The following GALNT15 variants were observed in gnomAD, a reference collection of about 807,000 sequenced individuals.
GALNT15 encodes UDP-GalNAc transferase T15.
GALNT15 carries 67 observed loss-of-function variants against 66.8 expected under a neutral mutation model. The ratio of observed to expected loss-of-function variants is 1.00; its 90% CI spans 0.82 to 1.23. The LOEUF (loss-of-function observed/expected upper bound fraction) is 1.23. GALNT15 is among the 50% of genes most tolerant of loss of function. GALNT15 has a pLI of 0.00. For synonymous variants in GALNT15, 313 were observed against 311.5 expected, an observed-to-expected ratio of 1.00 and a Z score of -0.05; for missense variants, 827 against 804.3, an observed-to-expected ratio of 1.03 and a Z score of -0.34.
rs1401325102 is a variant in GALNT15, at chr3:16,203,856, A to T, written c.911+3033A>T. On this transcript the variant is annotated intron_variant, in intron 3 of 9. Coordinates refer to ENST00000339732, the MANE Select transcript of GALNT15 (RefSeq NM_054110.5). This position sits in a 1 kb window ranked among gnomAD's most constrained non-coding sequence, Gnocchi z 6.2. ...TGTGGCAGGGAGAGCAGCCTCATTCAGTGTGTGCTTTACTCCCCCAGGGAC... is the reference window on the plus strand; with the variant it reads ...TGTGGCAGGGAGAGCAGCCTCATTCTGTGTGTGCTTTACTCCCCCAGGGAC... Among the ~76,000 whole-genome samples, 2 of 152,110 alleles carry T rather than the reference A, an allele frequency of 1.3e-5. No homozygotes were observed. The highest frequency in any genetic ancestry group is 2.9e-5 in the Non-Finnish European group (2 of 68,028).
chr3:16,247,788 C>T, the GALNT15 span, among the ~76,000 whole-genome samples: 1 of 152,356 alleles, frequency 6.6e-6, no homozygotes, highest in South Asian at 2.1e-4. Context: ...CTTCCCTCGA[C>T]CTCAGTCTGC....
chr3:16,195,672 A>T lies in GALNT15; in HGVS notation c.540-88A>T. Reference sequence around the variant, plus strand: ...ACAGCCATATAATGGGGGCAGCTCCAGCCAGAGCAAAGGAAGCGAGTTAGA... The same window carrying T: ...ACAGCCATATAATGGGGGCAGCTCCTGCCAGAGCAAAGGAAGCGAGTTAGA... On this transcript the variant is annotated intron_variant, in intron 1 of 9. Coordinates refer to ENST00000339732, the MANE Select transcript of GALNT15 (RefSeq NM_054110.5). The surrounding 1 kb of genome is among the most constrained non-coding windows in gnomAD (Gnocchi z 4.6). The T allele has an allele frequency of 8.0e-7, 1 of 1,248,488 alleles. No individual in the cohort carries two copies. Among genetic ancestry groups the T allele is most frequent in the Non-Finnish European group, 1.1e-6 (1 of 888,232 alleles). The allele number at this position is 1,248,488 out of a possible 1,614,324, so 77.3% of individuals were successfully genotyped here.
chr3:16,177,377 T>C (rs544105694), intron 1 of GALNT15, among the ~76,000 whole-genome samples: 1 of 152,342 alleles, frequency 6.6e-6, no homozygotes, highest in South Asian at 2.1e-4. Flanking sequence ...AGTGCAAATG[T>C]GTGGTGAATA....
the GALNT15 span, among the ~76,000 whole-genome samples, chr3:16,240,274 A>G: frequency 2.0e-5 from 3 of 152,250 alleles, no homozygotes; most frequent in Admixed American, 1.3e-4. Context: ...TGCAGATTTA[A>G]AAACAATAAA....
intron 1 of GALNT15, among the ~76,000 whole-genome samples, chr3:16,185,921 G>A (rs17272355): frequency 0.52 from 79,621 of 151,936 alleles, 22,386 homozygotes; most frequent in East Asian, 0.77. Context: ...GCTGTATAAC[G>A]CACCTTATCA....
chr3:16,200,244 C>T lies in GALNT15; in HGVS notation c.707-375C>T, dbSNP rs1219370042. On this transcript the variant is annotated intron_variant, in intron 2 of 9. Transcript: ENST00000339732. This position sits in a 1 kb window ranked among gnomAD's most constrained non-coding sequence, Gnocchi z 4.4. ...TCCAATCACCTCCCACCAGGTCCCT[C>T]CCTCGCCACATAGGGATTATGGGGA... Among the ~76,000 whole-genome samples, 1 of 152,186 alleles carries T rather than the reference C, an allele frequency of 6.6e-6. No homozygotes were observed. Among genetic ancestry groups the T allele is most frequent in the African/African-American group, 2.4e-5 (1 of 41,440 alleles).
downstream of GALNT15, among the ~76,000 whole-genome samples, chr3:16,233,580 T>G (rs1166203641): frequency 6.6e-6 from 1 of 152,174 alleles, no homozygotes; most frequent in Non-Finnish European, 1.5e-5. Flanking sequence ...CTCACTTTCT[T>G]TATCTTTCCC....
At chr3:16,205,019 C>G (rs550188437) in intron 3 of GALNT15, among the ~76,000 whole-genome samples, 3 of 152,192 alleles carry the variant, frequency 2.0e-5, no homozygotes, top group Non-Finnish European at 4.4e-5. Context: ...CCTGCCCCCC[C>G]AGAGGGAGCA....
chr3:16,216,204 A>T (rs1401747404), intron 6 of GALNT15, among the ~76,000 whole-genome samples: 1 of 152,232 alleles, frequency 6.6e-6, no homozygotes, highest in Non-Finnish European at 1.5e-5. Context: ...CTCAGAAGAA[A>T]GAATTCAACT....
In GALNT15 at chr3:16,229,535, C is replaced by A. The variant is rs138553832; in HGVS notation, c.*2035C>A. The A allele has an allele frequency of 3.1e-4, 302 of 984,772 alleles. No homozygotes were observed. Among genetic ancestry groups the A allele is most frequent in the Non-Finnish European group, 3.4e-4 (283 of 829,404 alleles). 61.0% of individuals were successfully genotyped at this position (984,772 alleles called of 1,614,324 possible). Reference sequence around the variant, plus strand: ...AGTCACTGTCTTCTTGCTTCAGACCCATCTATATTTAAAACAAATTTCCCT... The same window carrying A: ...AGTCACTGTCTTCTTGCTTCAGACCAATCTATATTTAAAACAAATTTCCCT... On this transcript the variant is annotated 3_prime_UTR_variant, in exon 10 of 10. Transcript: ENST00000339732.
At chr3:16,247,099 T>C in the GALNT15 span, among the ~76,000 whole-genome samples, 5 of 113,048 alleles carry the variant, frequency 4.4e-5, no homozygotes, top group Non-Finnish European at 9.1e-5. Flanking sequence ...AAGACTGTAG[T>C]GTGTGTGTGT....
chr3:16,205,908 A>C (rs1440284866), intron 3 of GALNT15, among the ~76,000 whole-genome samples: 1 of 152,220 alleles, frequency 6.6e-6, no homozygotes. Flanking sequence ...AAATAGAGGA[A>C]AAAGAAGATT....
chr3:16,222,862 C>A (rs1426636769), intron 9 of GALNT15, 104 bp downstream of exon 9: 3 of 1,305,122 alleles, frequency 2.3e-6, no homozygotes, highest in Non-Finnish European at 3.2e-6. Flanking sequence ...TATTAGGGAC[C>A]TCTGCCTCTG....
At position 16,211,708 on chromosome 3, in the gene GALNT15, C is replaced by T. The variant is rs915307421; in HGVS notation, c.1197+467C>T. Among the ~76,000 whole-genome samples, 1 of 152,192 alleles carries T rather than the reference C, an allele frequency of 6.6e-6. No individual in the cohort carries two copies. The highest frequency in any genetic ancestry group is 2.4e-5 in the African/African-American group (1 of 41,436). On this transcript the variant is annotated intron_variant, in intron 5 of 9. Transcript: ENST00000339732. This position sits in a 1 kb window ranked among gnomAD's most constrained non-coding sequence, Gnocchi z 4.3. ...CAAACCTTGGAGTCACCCTCATTTCCTGTCCCACATTGCTTTTCTAGCATG... is the reference window on the plus strand; with the variant it reads ...CAAACCTTGGAGTCACCCTCATTTCTTGTCCCACATTGCTTTTCTAGCATG...
In GALNT15 at chr3:16,227,751, T is replaced by G; in HGVS notation, c.*251T>G. The G allele has an allele frequency of 7.5e-7, 1 of 1,326,272 alleles. No individual in the cohort carries two copies. The highest frequency in any genetic ancestry group is 9.6e-7 in the Non-Finnish European group (1 of 1,038,758). 82.2% of individuals were successfully genotyped at this position (1,326,272 alleles called of 1,614,324 possible). On this transcript the variant is annotated 3_prime_UTR_variant, in exon 10 of 10. Coordinates refer to ENST00000339732, the MANE Select transcript of GALNT15 (RefSeq NM_054110.5). The surrounding 1 kb of genome is among the most constrained non-coding windows in gnomAD (Gnocchi z 4.5). ...TGTCTTCATCACTGGGAAATGATTA[T>G]TACATAGTACAGAAGATTCTTTGTT...
In GALNT15 at chr3:16,184,843, C is replaced by A. The variant is rs1342073962; in HGVS notation, c.539+9153C>A. ...CATGCATGCATCTCAGCGCTTCCTA[C>A]CCTCTGCCCTTAGGGGTGAGGGTGC... On this transcript the variant is annotated intron_variant, in intron 1 of 9. Coordinates refer to ENST00000339732, the MANE Select transcript of GALNT15 (RefSeq NM_054110.5). This position sits in a 1 kb window ranked among gnomAD's most constrained non-coding sequence, Gnocchi z 5.0. Among the ~76,000 whole-genome samples the A allele has an allele frequency of 6.6e-6, 1 of 152,196 alleles. No homozygotes were observed. The highest frequency in any genetic ancestry group is 2.4e-5 in the African/African-American group (1 of 41,452).
downstream of GALNT15, chr3:16,231,882 T>G (rs1044002094): frequency 1.0e-5 from 16 of 1,536,130 alleles, no homozygotes; most frequent in Non-Finnish European, 1.4e-5. This position sits in a 1 kb window ranked among gnomAD's most constrained non-coding sequence, Gnocchi z 4.1. Flanking sequence ...AGGACATCAT[T>G]TGCTTCATTC....
chr3:16,202,041 A>C (rs1046183764), intron 3 of GALNT15, among the ~76,000 whole-genome samples: 2 of 152,202 alleles, frequency 1.3e-5, no homozygotes, highest in Admixed American at 1.3e-4. Flanking sequence ...TCTCACCTGA[A>C]GTTAGGGATG....
At chr3:16,216,774 C>G (rs1391341953) in intron 6 of GALNT15, among the ~76,000 whole-genome samples, 2 of 152,210 alleles carry the variant, frequency 1.3e-5, no homozygotes, top group Admixed American at 1.3e-4. Context: ...TGAGGCGTTA[C>G]CAGTTGCGCA....
Sources: allele counts gnomAD v4.1 joint callset (sites outside exome capture counted in the v4.1 genomes callset), GRCh38; gene constraint gnomAD v4.1.1; non-coding constraint Gnocchi (gnomAD v3.1); transcripts MANE v1.5; gene names NCBI Gene and HGNC (gene_info 2026-07-23, HGNC 2026-07-21).